The following TENM3 variants were observed in gnomAD, a reference collection of about 807,000 sequenced individuals.
The protein encoded by TENM3 is teneurin-3.
In TENM3, 63 loss-of-function variants were observed where a neutral mutation model predicts 255.1. The observed-to-expected ratio is 0.25, with a 90% CI of 0.20 to 0.30. The LOEUF (loss-of-function observed/expected upper bound fraction) is 0.30. Ranked by LOEUF, TENM3 falls within the 10% of genes least tolerant of loss-of-function variation. The pLI is 1.00. For synonymous variants in TENM3, 1,306 were observed against 1,322.3 expected (o/e 0.99, Z 0.27); for missense variants, 2,929 against 3,461.1 (o/e 0.85, Z 3.86).
the TENM3 span, among the ~76,000 whole-genome samples, chr4:182,086,238 T>C: frequency 6.6e-6 from 1 of 152,156 alleles, no homozygotes; most frequent in East Asian, 1.9e-4. Context: ...AACCACTCGC[T>C]AATCACAGTC....
chr4:182,430,426 TTGTCCCAGC>T (rs1771535043), intron 3 of TENM3, among the ~76,000 whole-genome samples: 1 of 152,070 alleles, frequency 6.6e-6, no homozygotes, highest in East Asian at 1.9e-4. Context: ...CAGGCACTTG[TTGTCCCAGC>T]TACTCGGGAG....
At chr4:182,333,896 T>C (rs1763933352) in intron 2 of TENM3, among the ~76,000 whole-genome samples, 1 of 152,172 alleles carries the variant, frequency 6.6e-6, no homozygotes, top group Non-Finnish European at 1.5e-5. Flanking sequence ...ATGGACAGTG[T>C]AGATCATATA....
chr4:181,513,732 T>G, the TENM3 span, among the ~76,000 whole-genome samples: 3 of 152,226 alleles, frequency 2.0e-5, no homozygotes, highest in African/African-American at 7.2e-5. Context: ...ATAAAACAGC[T>G]GAGGCTTTAA....
intron 3 of TENM3, among the ~76,000 whole-genome samples, chr4:182,568,948 A>G (rs1744069290): frequency 6.6e-6 from 1 of 152,230 alleles, no homozygotes; most frequent in Non-Finnish European, 1.5e-5. Context: ...AAACATTTAT[A>G]TGGTGACAGA....
chr4:182,114,847 T>G, the TENM3 span, among the ~76,000 whole-genome samples: 3 of 152,122 alleles, frequency 2.0e-5, no homozygotes, highest in South Asian at 6.2e-4. Flanking sequence ...GACTCTAAGG[T>G]CAACTATTTT....
At chr4:181,831,545 TA>T in the TENM3 span, among the ~76,000 whole-genome samples, 1,280 of 145,484 alleles carry the variant, frequency 8.8e-3, 21 homozygotes, top group African/African-American at 0.03. Context: ...AGACTGGACA[TA>T]AGGGAATTTT....
At chr4:181,686,703 T>C in the TENM3 span, among the ~76,000 whole-genome samples, 5 of 152,164 alleles carry the variant, frequency 3.3e-5, no homozygotes, top group African/African-American at 1.2e-4. Context: ...TTGAAGTAAT[T>C]GTTTTCATTT....
the TENM3 span, among the ~76,000 whole-genome samples, chr4:181,895,529 C>A: frequency 8.0e-6 from 1 of 125,382 alleles, no homozygotes; most frequent in East Asian, 2.5e-4. Flanking sequence ...TTCTATCTGG[C>A]TGATTTTTTT....
intron 1 of TENM3, among the ~76,000 whole-genome samples, chr4:182,298,123 G>C (rs1169716671): frequency 6.6e-6 from 1 of 152,198 alleles, no homozygotes; most frequent in African/African-American, 2.4e-5. Flanking sequence ...GGAACCTGAT[G>C]TCTTCATAGC....
intron 24 of TENM3, among the ~76,000 whole-genome samples, chr4:182,776,003 GAT>G (rs1315843401): frequency 1.3e-5 from 2 of 151,314 alleles, no homozygotes; most frequent in African/African-American, 4.8e-5. Flanking sequence ...ATAGATAGGA[GAT>G]ATATATAGAT....
At chr4:181,677,892 G>C in the TENM3 span, among the ~76,000 whole-genome samples, 1 of 152,046 alleles carries the variant, frequency 6.6e-6, no homozygotes, top group African/African-American at 2.4e-5. Flanking sequence ...TTCACATACT[G>C]TTTCTTCTGC....
chr4:181,797,146 T>G, the TENM3 span, among the ~76,000 whole-genome samples: 2 of 148,112 alleles, frequency 1.4e-5, no homozygotes, highest in African/African-American at 5.0e-5. Context: ...AAGGGAGGGT[T>G]TTTTTTTTAA....
intron 12 of TENM3, among the ~76,000 whole-genome samples, chr4:182,693,169 T>G (rs1195664521): frequency 2.6e-5 from 4 of 152,150 alleles, no homozygotes; most frequent in Non-Finnish European, 4.4e-5. Flanking sequence ...ATTAATTCAT[T>G]TATGTGTCCA....
Position 182,601,051 on chromosome 4 carries a change from C to T in TENM3, c.639C>T (p.Asn213=). Residue 213 remains asparagine, a synonymous_variant, in exon 4 of 28, where the codon AAC becomes AAT. Transcript: ENST00000511685. ...GAAACTCCCTGACCAATAGAAGGAA[C>T]CAGAGTCCGGCCCCGCCGGCTGCTT... is the stretch of plus-strand genomic sequence containing the variant. ...LNRNSLTNRR[N]QSPAPPAALP... The T allele has an allele frequency of 6.2e-7, 1 of 1,613,770 alleles. No individual in the cohort carries two copies. Among genetic ancestry groups the T allele is most frequent in the African/African-American group, 1.3e-5 (1 of 74,970 alleles).
intron 2 of TENM3, among the ~76,000 whole-genome samples, chr4:182,344,158 A>C (rs1764653209): frequency 6.6e-6 from 1 of 152,240 alleles, no homozygotes; most frequent in East Asian, 1.9e-4. Context: ...AAGTCAGGAC[A>C]GCCCTGAAAG....
intron 3 of TENM3, among the ~76,000 whole-genome samples, chr4:182,468,168 C>T (rs1732769409): frequency 6.6e-6 from 1 of 152,148 alleles, no homozygotes; most frequent in Non-Finnish European, 1.5e-5. Context: ...GGGAGGATCG[C>T]TTGAGCCCAG....
At chr4:182,371,201 C>A (rs779004419) in intron 3 of TENM3, among the ~76,000 whole-genome samples, 12 of 148,660 alleles carry the variant, frequency 8.1e-5, no homozygotes, top group Non-Finnish European at 1.8e-4. Flanking sequence ...TCCTTCGTTT[C>A]TGAGGGCCTC....
chr4:182,736,416 C>T (rs1305299126), intron 16 of TENM3, among the ~76,000 whole-genome samples: 1 of 152,156 alleles, frequency 6.6e-6, no homozygotes, highest in Admixed American at 6.5e-5. Flanking sequence ...TAGTGAGAAT[C>T]CACTGTGACT....
chr4:181,940,040 G>C, the TENM3 span, among the ~76,000 whole-genome samples: 2 of 152,140 alleles, frequency 1.3e-5, no homozygotes, highest in East Asian at 3.9e-4. Flanking sequence ...TGTTCTTTAT[G>C]TTCTAGCTTA....
Sources: allele counts gnomAD v4.1 joint callset (sites outside exome capture counted in the v4.1 genomes callset), GRCh38; gene constraint gnomAD v4.1.1; transcripts MANE v1.5; gene names NCBI Gene and HGNC (gene_info 2026-07-23, HGNC 2026-07-21).